The following PCDHB2 variants were observed in gnomAD, a reference collection of about 807,000 sequenced individuals.
PCDHB2 encodes protocadherin beta-2.
For synonymous variants in PCDHB2, 395 were observed against 464.9 expected (o/e 0.85, Z 1.93); for missense variants, 914 against 1,023.1 (o/e 0.89, Z 1.45).
rs1238646188 is a variant in PCDHB2, at chr5:141,097,312, G to A, written c.*125G>A. Reference sequence around the variant, plus strand: ...ACCATCTTATTCCAATTCTATGCATGTTACTGGTATTTATAAATGTATGAG... The same window carrying A: ...ACCATCTTATTCCAATTCTATGCATATTACTGGTATTTATAAATGTATGAG... On this transcript the variant is annotated 3_prime_UTR_variant, in exon 1 of 1. Coordinates refer to ENST00000194155, the MANE Select transcript of PCDHB2 (RefSeq NM_018936.4). 1.6e-5 allele frequency: 17 copies of A among 1,043,546 alleles called. No individual in the cohort carries two copies. Among genetic ancestry groups the A allele is most frequent in the Non-Finnish European group, 2.2e-5 (16 of 729,694 alleles). The allele number at this position is 1,043,546 out of a possible 1,614,324, so 64.6% of individuals were successfully genotyped here.
rs782484237 is a variant in PCDHB2, at chr5:141,096,109, C to T, written c.1319C>T (p.Thr440Ile). The T allele has an allele frequency of 6.2e-7, 1 of 1,614,026 alleles. No individual in the cohort carries two copies. The highest frequency in any genetic ancestry group is 1.1e-5 in the South Asian group (1 of 91,084). The part of the protein sequence containing the change: ...TPRLKTEHNI[T>I]VLVSDVNDNA... ...AGGCTGAAAACCGAGCACAACATAACCGTGCTGGTCTCCGACGTCAATGAC... is the reference window on the plus strand; with the variant it reads ...AGGCTGAAAACCGAGCACAACATAATCGTGCTGGTCTCCGACGTCAATGAC... Residue 440 changes from threonine to isoleucine, a missense_variant, in exon 1 of 1, where the codon ACC (threonine) becomes ATC (isoleucine). By Grantham distance (89) the Thr-to-Ile change is moderately conservative. Coordinates refer to ENST00000194155, the MANE Select transcript of PCDHB2 (RefSeq NM_018936.4).
Position 141,098,649 on chromosome 5 carries a change from G to C in PCDHB2, c.*1462G>C, listed in dbSNP as rs1460801964. 3 of 152,078 alleles carry C rather than the reference G, an allele frequency of 2.0e-5. No homozygotes were observed. Among genetic ancestry groups the C allele is most frequent in the Non-Finnish European group, 4.4e-5 (3 of 68,002 alleles). The allele number at this position is 152,078 out of a possible 1,614,324, so 9.4% of individuals were successfully genotyped here. A position where few individuals can be genotyped will look rare whatever the true frequency, so the allele number is the denominator to read the frequency against. On this transcript the variant is annotated 3_prime_UTR_variant, in exon 1 of 1. Transcript: ENST00000194155. ...TTTTGAATGATTGAAAGAGAGAAAA[G>C]TATTTTACCTGTGATATATTGATAT...
chr5:141,096,468 T>G lies in PCDHB2; in HGVS notation c.1678T>G (p.Ser560Ala). ...GCTGGTGCTGGACGCCAACGACAAC[T>G]CGCCCTTCGTGCTGTACCCGCTGCA... ...RVLVLDANDN[S>A]PFVLYPLQNG... Residue 560 changes from serine to alanine, a missense_variant, in exon 1 of 1, where the codon TCG becomes GCG. Transcript: ENST00000194155. 6.2e-7 allele frequency: 1 copy of G among 1,610,896 alleles called. No individual in the cohort carries two copies. The highest frequency in any genetic ancestry group is 8.5e-7 in the Non-Finnish European group (1 of 1,179,226).
rs370296576 is a variant in PCDHB2, at chr5:141,094,803, G to A, written c.13G>A (p.Glu5Lys). 1.1e-4 allele frequency: 168 copies of A among 1,560,444 alleles called. No individual in the cohort carries two copies. Among genetic ancestry groups the A allele is most frequent in the Non-Finnish European group, 1.4e-4 (166 of 1,155,366 alleles). The part of the protein sequence containing the change: MEAG[E>K]GKERVPKQRQ... ...AGACCAGAAAGCAATGGAGGCCGGA[G>A]AGGGGAAGGAGCGCGTTCCGAAACA... is the stretch of plus-strand genomic sequence containing the variant. The change falls in exon 1 of 1, where the codon GAG (glutamate) becomes AAG (lysine). Residue 5 changes from glutamate to lysine, a missense_variant. Physicochemically the swap from Glu to Lys is moderately conservative, Grantham distance 56. Transcript: ENST00000194155.
rs145469290 is a variant in PCDHB2, at chr5:141,095,190, G to C, written c.400G>C (p.Val134Leu). ...RIRDVNDHSP[V>L]FLDKEILLKI... The stretch of plus-strand genomic sequence containing the variant: ...TAGGGACGTAAATGATCATTCCCCA[G>C]TTTTCCTAGACAAAGAAATACTTTT... Residue 134 changes from valine to leucine, a missense_variant, in exon 1 of 1, where the codon GTT becomes CTT. Val to Leu is a conservative substitution (Grantham distance 32, BLOSUM62 1). Coordinates refer to ENST00000194155, the MANE Select transcript of PCDHB2 (RefSeq NM_018936.4). 1.1e-5 allele frequency: 18 copies of C among 1,609,892 alleles called. No homozygotes were observed. Among genetic ancestry groups the C allele is most frequent in the Non-Finnish European group, 1.4e-5 (17 of 1,178,014 alleles).
In PCDHB2 at chr5:141,097,222, T is replaced by A. The variant is rs781801699; in HGVS notation, c.*35T>A. On this transcript the variant is annotated 3_prime_UTR_variant, in exon 1 of 1. Transcript: ENST00000194155. ...AGGATCTACTGAGGCTAGTCTCGTTTAATTTGTGGAAAGTCCTTTTTTACT... is the reference window on the plus strand; with the variant it reads ...AGGATCTACTGAGGCTAGTCTCGTTAAATTTGTGGAAAGTCCTTTTTTACT... 6.5e-7 allele frequency: 1 copy of A among 1,549,254 alleles called. No homozygotes were observed. Among genetic ancestry groups the A allele is most frequent in the Non-Finnish European group, 8.7e-7 (1 of 1,149,630 alleles).
Position 141,096,339 on chromosome 5 carries a change from G to A in PCDHB2, c.1549G>A (p.Ala517Thr), listed in dbSNP as rs1751822456. ...SINADNGHLF[A>T]LQSLDYEALQ... ...CAACGCGGACAACGGCCACCTGTTC[G>A]CTCTCCAGTCGCTGGACTACGAGGC... The change falls in exon 1 of 1, where the codon GCT becomes ACT. Residue 517 changes from alanine (A) to threonine (T), a missense_variant. By Grantham distance (58) the Ala-to-Thr change is moderately conservative (BLOSUM62 0). Transcript: ENST00000194155. The A allele has an allele frequency of 1.9e-6, 3 of 1,613,276 alleles. No individual in the cohort carries two copies. The highest frequency in any genetic ancestry group is 2.5e-6 in the Non-Finnish European group (3 of 1,179,892).
In PCDHB2 at chr5:141,096,615, C is replaced by A; in HGVS notation, c.1825C>A (p.Leu609Ile). 1 of 1,607,456 alleles carries A rather than the reference C, an allele frequency of 6.2e-7. No homozygotes were observed. The highest frequency in any genetic ancestry group is 8.5e-7 in the Non-Finnish European group (1 of 1,179,392). ...GQNAWLSYQL[L>I]KATEPGLFGV... Reference sequence around the variant, plus strand: ...GAACGCCTGGCTGTCGTACCAGCTGCTCAAGGCCACGGAGCCCGGGCTGTT... The same window carrying A: ...GAACGCCTGGCTGTCGTACCAGCTGATCAAGGCCACGGAGCCCGGGCTGTT... Residue 609 changes from leucine (L) to isoleucine (I), a missense_variant, in exon 1 of 1, where the codon CTC becomes ATC. Leu to Ile is a conservative substitution (Grantham distance 5). Coordinates refer to ENST00000194155, the MANE Select transcript of PCDHB2 (RefSeq NM_018936.4).
rs530203017 is a variant in PCDHB2 at position 141,095,109 on chromosome 5, C to A, written c.319C>A (p.Pro107Thr). The A allele has an allele frequency of 4.3e-6, 7 of 1,614,100 alleles. No individual in the cohort carries two copies. Among genetic ancestry groups the A allele is most frequent in the Admixed American group, 1.7e-5 (1 of 60,020 alleles). ...LCGPTEPCVL[P>T]FQVLLENPLQ... ...CGGCCCCACAGAGCCCTGTGTCCTA[C>A]CTTTCCAGGTGTTACTAGAAAATCC... is the stretch of plus-strand genomic sequence containing the variant. The change falls in exon 1 of 1, where the codon CCT becomes ACT. Residue 107 changes from proline (P) to threonine (T), a missense_variant. Pro to Thr is a conservative substitution (Grantham distance 38, BLOSUM62 -1). Coordinates refer to ENST00000194155, the MANE Select transcript of PCDHB2 (RefSeq NM_018936.4).
At position 141,098,095 on chromosome 5, in the gene PCDHB2, A is replaced by T. The variant is rs1461500527; in HGVS notation, c.*908A>T. 6.6e-6 allele frequency: 1 copy of T among 152,192 alleles called. No individual in the cohort carries two copies. Among genetic ancestry groups the T allele is most frequent in the African/African-American group, 2.4e-5 (1 of 41,416 alleles). The allele number at this position is 152,192 out of a possible 1,614,324, so 9.4% of individuals were successfully genotyped here. A position where few individuals can be genotyped will look rare whatever the true frequency, so the allele number is the denominator to read the frequency against. ...CTGTTGGATTCTACAAGGCACTAAC[A>T]TCATAAGTGCTCTAATAAATTTTTG... On this transcript the variant is annotated 3_prime_UTR_variant, in exon 1 of 1. Coordinates refer to ENST00000194155, the MANE Select transcript of PCDHB2 (RefSeq NM_018936.4).
At position 141,094,940 on chromosome 5, in the gene PCDHB2, G is replaced by A. The variant is rs1751767808; in HGVS notation, c.150G>A (p.Leu50=). 1 of 1,614,068 alleles carries A rather than the reference G, an allele frequency of 6.2e-7. No homozygotes were observed. The highest frequency in any genetic ancestry group is 1.3e-5 in the African/African-American group (1 of 74,916). ...ETESGSFVAN[L]LKDLGLEIGE... ...AGAGTGGCTCCTTTGTGGCCAATTT[G>A]TTAAAAGACCTGGGGCTGGAGATAG... is the stretch of plus-strand genomic sequence containing the variant. Residue 50 remains leucine (L), a synonymous_variant, in exon 1 of 1, where the codon TTG becomes TTA. Coordinates refer to ENST00000194155, the MANE Select transcript of PCDHB2 (RefSeq NM_018936.4).
chr5:141,094,955 G>C lies in PCDHB2; in HGVS notation c.165G>C (p.Gly55=). 1 of 1,614,118 alleles carries C rather than the reference G, an allele frequency of 6.2e-7. No individual in the cohort carries two copies. Among genetic ancestry groups the C allele is most frequent in the Non-Finnish European group, 8.5e-7 (1 of 1,180,022 alleles). The change falls in exon 1 of 1, where the codon GGG becomes GGC. Residue 55 remains glycine (G), a synonymous_variant. Transcript: ENST00000194155. ...SFVANLLKDL[G]LEIGELAVRG... is the part of the protein sequence containing the mutation. ...TGGCCAATTTGTTAAAAGACCTGGG[G>C]CTGGAGATAGGAGAACTTGCTGTGA...
chr5:141,094,969 A>T lies in PCDHB2; in HGVS notation c.179A>T (p.Glu60Val), dbSNP rs1751768971. Residue 60 changes from glutamate (E) to valine (V), a missense_variant, in exon 1 of 1, where the codon GAA (glutamate) becomes GTA (valine). Coordinates refer to ENST00000194155, the MANE Select transcript of PCDHB2 (RefSeq NM_018936.4). ...LLKDLGLEIG[E>V]LAVRGARVVS... ...AAAGACCTGGGGCTGGAGATAGGAG[A>T]ACTTGCTGTGAGGGGGGCCAGGGTC... The T allele has an allele frequency of 1.9e-6, 3 of 1,613,600 alleles. No individual in the cohort carries two copies. The African/African-American group carries it at 4.0e-5, about 22-fold the overall frequency.
In PCDHB2 at chr5:141,097,202, C is replaced by G. The variant is rs781920312; in HGVS notation, c.*15C>G. The G allele has an allele frequency of 1.3e-6, 2 of 1,589,068 alleles. No homozygotes were observed. The highest frequency in any genetic ancestry group is 1.7e-6 in the Non-Finnish European group (2 of 1,166,504). ...AATTCACTTAAGTGTTAATAAGGAT[C>G]TACTGAGGCTAGTCTCGTTTAATTT... On this transcript the variant is annotated 3_prime_UTR_variant, in exon 1 of 1. Coordinates refer to ENST00000194155, the MANE Select transcript of PCDHB2 (RefSeq NM_018936.4).
rs1396632177 is a variant in PCDHB2 at position 141,095,887 on chromosome 5, T to C, written c.1097T>C (p.Leu366Pro). The C allele has an allele frequency of 5.0e-6, 8 of 1,613,914 alleles. No individual in the cohort carries two copies. In the African/African-American group the frequency reaches 9.3e-5, roughly 19 times the overall value. ...NQIPENLQDT[L>P]IAVFSVSDPD... ...ATCCCAGAAAACTTGCAGGACACCC[T>C]CATTGCTGTATTCAGCGTTTCAGAT... The change falls in exon 1 of 1, where the codon CTC becomes CCC. Residue 366 changes from leucine (L) to proline (P), a missense_variant. Coordinates refer to ENST00000194155, the MANE Select transcript of PCDHB2 (RefSeq NM_018936.4).
Position 141,098,384 on chromosome 5 carries a change from GT to G in PCDHB2, c.*1202del, listed in dbSNP as rs1385298271. 6.6e-6 allele frequency: 1 copy of G among 152,138 alleles called. No homozygotes were observed. The highest frequency in any genetic ancestry group is 2.4e-5 in the African/African-American group (1 of 41,424). 9.4% of individuals were successfully genotyped at this position (152,138 alleles called of 1,614,324 possible). On this transcript the variant is annotated 3_prime_UTR_variant, in exon 1 of 1. Transcript: ENST00000194155. ...CCCTCAAACATAGCTTGGTATTGCT[GT>G]TTTTAAAATTTTCTGGAGCATTTAG...
Position 141,097,630 on chromosome 5 carries a change from C to T in PCDHB2, c.*443C>T, listed in dbSNP as rs1554271777. The T allele has an allele frequency of 1.3e-5, 2 of 154,260 alleles. No homozygotes were observed. The highest frequency in any genetic ancestry group is 4.8e-5 in the African/African-American group (2 of 41,412). The allele number at this position is 154,260 out of a possible 1,614,324, so 9.6% of individuals were successfully genotyped here. On this transcript the variant is annotated 3_prime_UTR_variant, in exon 1 of 1. Coordinates refer to ENST00000194155, the MANE Select transcript of PCDHB2 (RefSeq NM_018936.4). ...TATCCTGTGAATTCACATTGGCTAA[C>T]CCTTTAAATAGGTATATTTATGAAT...
In PCDHB2 at chr5:141,098,321, T is replaced by C. The variant is rs1180558598; in HGVS notation, c.*1134T>C. On this transcript the variant is annotated 3_prime_UTR_variant, in exon 1 of 1. Coordinates refer to ENST00000194155, the MANE Select transcript of PCDHB2 (RefSeq NM_018936.4). ...GAGCACTTCATTAAAATCCAAAAAA[T>C]TTGAGGGAGTACATGTCTTTGTCCT... The C allele has an allele frequency of 6.6e-6, 1 of 152,176 alleles. No individual in the cohort carries two copies. The highest frequency in any genetic ancestry group is 6.5e-5 in the Admixed American group (1 of 15,272). 9.4% of individuals were successfully genotyped at this position (152,176 alleles called of 1,614,324 possible).
In PCDHB2 at chr5:141,096,900, C is replaced by A; in HGVS notation, c.2110C>A (p.Leu704Ile). 3 of 1,612,346 alleles carry A rather than the reference C, an allele frequency of 1.9e-6. No homozygotes were observed. Among genetic ancestry groups the A allele is most frequent in the Non-Finnish European group, 2.5e-6 (3 of 1,179,856 alleles). ...VALASVSSLF[L>I]FSVLLFVAVR... is the part of the protein sequence containing the mutation. ...GTTGGCCTCGGTGTCTTCGCTCTTC[C>A]TCTTCTCGGTGCTCCTGTTCGTGGC... is the stretch of plus-strand genomic sequence containing the variant. The change falls in exon 1 of 1, where the codon CTC becomes ATC. Residue 704 changes from leucine to isoleucine, a missense_variant. Coordinates refer to ENST00000194155, the MANE Select transcript of PCDHB2 (RefSeq NM_018936.4).
Sources: allele counts gnomAD v4.1 joint callset, GRCh38; gene constraint gnomAD v4.1.1; transcripts MANE v1.5; gene names NCBI Gene and HGNC (gene_info 2026-07-23, HGNC 2026-07-21).